BABAM2: variants seen among roughly 807,000 people sequenced by gnomAD.
The protein encoded by BABAM2 is BRISC and BRCA1 A complex member 2.
BABAM2 carries 31 observed loss-of-function variants against 54.7 expected under a neutral mutation model. The ratio of observed to expected loss-of-function variants is 0.57; its 90% CI spans 0.43 to 0.77. The LOEUF (loss-of-function observed/expected upper bound fraction) is 0.77. BABAM2 is among the 30% of genes least tolerant of loss of function. BABAM2 has a pLI of 0.00. For missense variants in BABAM2, 364 were observed against 455.8 expected (o/e 0.80, Z 1.83); for synonymous variants, 167 against 162.9 (o/e 1.03, Z -0.19).
chr2:27,949,881 GT>G (rs1364290711), intron 3 of BABAM2, among the ~76,000 whole-genome samples: 1 of 152,132 alleles, frequency 6.6e-6, no homozygotes, highest in African/African-American at 2.4e-5. Flanking sequence ...TCATTGTGCT[GT>G]TTTTTGGTGA....
intron 6 of BABAM2, among the ~76,000 whole-genome samples, chr2:28,059,361 C>CCCAACT (rs1678684328): frequency 2.6e-5 from 4 of 152,084 alleles, no homozygotes; most frequent in Non-Finnish European, 4.4e-5. Flanking sequence ...ATATTATGAT[C>CCCAACT]ATATTATATA....
At chr2:27,894,012 A>G (rs1044335945) in intron 1 of BABAM2, among the ~76,000 whole-genome samples, 1 of 151,760 alleles carries the variant, frequency 6.6e-6, no homozygotes, top group Non-Finnish European at 1.5e-5. Context: ...AGAAAAAAAA[A>G]GAAAGATATA....
At chr2:28,163,308 A>G (rs1304183752) in intron 7 of BABAM2, among the ~76,000 whole-genome samples, 2 of 152,142 alleles carry the variant, frequency 1.3e-5, no homozygotes, top group African/African-American at 2.4e-5. Flanking sequence ...AGTTTTCTTA[A>G]CAGCCCCAAC....
At chr2:28,017,286 T>A (rs373173333) in intron 4 of BABAM2, among the ~76,000 whole-genome samples, 2 of 152,248 alleles carry the variant, frequency 1.3e-5, no homozygotes, top group East Asian at 3.8e-4. Context: ...TCCTTGGTAT[T>A]CTGCAGATGG....
intron 7 of BABAM2, among the ~76,000 whole-genome samples, chr2:28,186,844 C>T (rs1161704091): frequency 8.7e-5 from 13 of 149,774 alleles, no homozygotes; most frequent in African/African-American, 3.0e-4. Flanking sequence ...CTTGCTCTGT[C>T]GCCCAGGCTG....
At chr2:28,306,995 C>CCT (rs1688596232) in intron 11 of BABAM2, among the ~76,000 whole-genome samples, 1 of 26,358 alleles carries the variant, frequency 3.8e-5, no homozygotes, top group Non-Finnish European at 7.2e-5. Context: ...CACACCTGGC[C>CCT]TTTTTTTTTT....
chr2:27,925,318 C>A (rs1045558379), intron 2 of BABAM2, among the ~76,000 whole-genome samples: 1 of 152,188 alleles, frequency 6.6e-6, no homozygotes, highest in Non-Finnish European at 1.5e-5. Context: ...TTTGAACTCT[C>A]CATTTCCTTT....
At chr2:28,133,398 C>T (rs1347715977) in intron 7 of BABAM2, among the ~76,000 whole-genome samples, 2 of 152,170 alleles carry the variant, frequency 1.3e-5, no homozygotes, top group Non-Finnish European at 2.9e-5. Context: ...CATGTGGACC[C>T]GCCCAAAGCC....
intron 3 of BABAM2, among the ~76,000 whole-genome samples, chr2:27,952,498 A>T (rs1304064483): frequency 2.0e-5 from 3 of 152,188 alleles, no homozygotes; most frequent in Non-Finnish European, 4.4e-5. Flanking sequence ...TGGCCTCATA[A>T]TGAAGGGTGT....
intron 6 of BABAM2, among the ~76,000 whole-genome samples, chr2:28,112,078 C>T: frequency 8.3e-6 from 1 of 120,620 alleles, no homozygotes; most frequent in Admixed American, 8.8e-5. Context: ...TTGAGATACC[C>T]ATTACTCTTT....
chr2:28,170,515 TTAAAG>T (rs1338636016), intron 7 of BABAM2, among the ~76,000 whole-genome samples: 1 of 152,030 alleles, frequency 6.6e-6, no homozygotes, highest in East Asian at 1.9e-4. Flanking sequence ...CCAATTGCCA[TTAAAG>T]TAATTAATTT....
chr2:28,312,374 C>G (rs142990191), intron 11 of BABAM2, among the ~76,000 whole-genome samples: 1 of 152,258 alleles, frequency 6.6e-6, no homozygotes, highest in Non-Finnish European at 1.5e-5. Context: ...CCATCCAGCT[C>G]ATTATATACA....
intron 6 of BABAM2, among the ~76,000 whole-genome samples, chr2:28,112,197 CCCTTCCTT>C (rs1215942914): frequency 2.9e-3 from 73 of 25,494 alleles, no homozygotes; most frequent in South Asian, 5.5e-3. Context: ...CTCCCTCCCT[CCCTTCCTT>C]CCTTCCTTCC....
At chr2:28,236,969 C>G (rs1681973479) in intron 7 of BABAM2, among the ~76,000 whole-genome samples, 1 of 152,124 alleles carries the variant, frequency 6.6e-6, no homozygotes. Flanking sequence ...TCAAAATTTT[C>G]TAATTTGTAC....
chr2:27,982,680 T>C (rs1672096153), intron 3 of BABAM2, among the ~76,000 whole-genome samples: 1 of 151,254 alleles, frequency 6.6e-6, no homozygotes, highest in Admixed American at 6.6e-5. Flanking sequence ...ACTTCAGTAG[T>C]GTACTTTTAT....
chr2:28,198,514 C>T (rs11891642), intron 7 of BABAM2, among the ~76,000 whole-genome samples: 44,881 of 151,962 alleles, frequency 0.3, 7,325 homozygotes, highest in African/African-American at 0.39. Context: ...ATGATCAGAA[C>T]GGCCTGAAAA....
chr2:28,126,180 A>C (rs1484450359), intron 6 of BABAM2, among the ~76,000 whole-genome samples: 1 of 151,716 alleles, frequency 6.6e-6, no homozygotes, highest in East Asian at 1.9e-4. Flanking sequence ...TTTAGGGTAC[A>C]TGTGCACAAT....
chr2:28,224,754 T>C (rs1395123120), intron 7 of BABAM2, among the ~76,000 whole-genome samples: 1 of 150,994 alleles, frequency 6.6e-6, no homozygotes, highest in Non-Finnish European at 1.5e-5. Flanking sequence ...GGGTTGCTGA[T>C]TGAAGCAGAA....
chr2:28,111,508 A>G (rs1251392349), intron 6 of BABAM2, among the ~76,000 whole-genome samples: 3 of 152,022 alleles, frequency 2.0e-5, no homozygotes, highest in African/African-American at 7.3e-5. Flanking sequence ...ATGAAGTACA[A>G]TTTGTCTACT....
Sources: gnomAD v4.1 joint callset for allele counts (sites outside exome capture counted in the v4.1 genomes callset) on GRCh38, gnomAD v4.1.1 for gene constraint, MANE v1.5 for transcripts, NCBI Gene and HGNC (gene_info 2026-07-23, HGNC 2026-07-21) for gene names.